Variants in ATAD2B observed in about 807,000 individuals in gnomAD.
The protein encoded by ATAD2B is ATPase family AAA domain-containing protein 2B.
ATAD2B carries 40 observed loss-of-function variants against 167.6 expected under a neutral mutation model. The observed-to-expected ratio is 0.24, with a 90% CI of 0.19 to 0.31. ATAD2B has a LOEUF of 0.31. Among genes scored for constraint, ATAD2B ranks in the 10% least tolerant of loss-of-function variants. ATAD2B has a pLI of 1.00. For missense variants in ATAD2B, 1,242 were observed against 1,757.2 expected, an observed-to-expected ratio of 0.71 and a Z score of 5.24; for synonymous variants, 579 against 596.5, an observed-to-expected ratio of 0.97 and a Z score of 0.43.
the ATAD2B span, among the ~76,000 whole-genome samples, chr2:23,739,120 T>C: frequency 2.6e-5 from 4 of 152,148 alleles, no homozygotes; most frequent in Admixed American, 6.5e-5. Context: ...AACACCCCAC[T>C]GTCAACATTA....
intron 1 of ATAD2B, among the ~76,000 whole-genome samples, chr2:23,896,287 T>C (rs1207125608): frequency 6.6e-6 from 1 of 151,198 alleles, no homozygotes. Context: ...ATCATGCCAG[T>C]GCACTCCAGC....
intron 23 of ATAD2B, among the ~76,000 whole-genome samples, chr2:23,764,460 C>T (rs1234215060): frequency 6.6e-6 from 1 of 152,184 alleles, no homozygotes; most frequent in Admixed American, 6.5e-5. Context: ...TTTGAAAACA[C>T]TGATCTACAA....
intron 12 of ATAD2B, among the ~76,000 whole-genome samples, chr2:23,861,560 A>C (rs1421054706): frequency 6.6e-6 from 1 of 152,054 alleles, no homozygotes; most frequent in Non-Finnish European, 1.5e-5. Flanking sequence ...CCCACCAAGA[A>C]AACTATGAAA....
the ATAD2B span, chr2:23,695,876 T>C: frequency 6.5e-7 from 1 of 1,534,610 alleles, no homozygotes; most frequent in Non-Finnish European, 8.8e-7. This position sits in a 1 kb window ranked among gnomAD's most constrained non-coding sequence, Gnocchi z 7.6. Context: ...GGCTCAGTGG[T>C]TCCAGTGAGG....
Position 23,766,444 on chromosome 2 carries a change from T to C in ATAD2B, c.3134-816A>G, listed in dbSNP as rs183043229. Among the ~76,000 whole-genome samples the C allele has an allele frequency of 7.2e-5, 11 of 152,342 alleles. No individual in the cohort carries two copies. In the East Asian group the frequency reaches 1.9e-3, roughly 27 times the overall value. ...TCCTCTCTAGTAAGGGCAAACAGTA[T>C]AGACAAAGTTACAGAGACACTTTAT... is the stretch of plus-strand genomic sequence containing the variant. On this transcript the variant is annotated intron_variant, in intron 22 of 27. Coordinates refer to ENST00000238789, the MANE Select transcript of ATAD2B (RefSeq NM_017552.4).
chr2:23,891,110 T>TCC (rs1463877274), intron 2 of ATAD2B, among the ~76,000 whole-genome samples: 2 of 150,620 alleles, frequency 1.3e-5, no homozygotes, highest in African/African-American at 4.9e-5. Context: ...AACCACCATC[T>TCC]CCCGGGTTCA....
At chr2:23,807,907 AATATAAATATATAAATATATTTATAATAT>A (rs1223276603) in intron 18 of ATAD2B, among the ~76,000 whole-genome samples, 10 of 129,350 alleles carry the variant, frequency 7.7e-5, no homozygotes, top group South Asian at 2.3e-4. Context: ...AAAATATATA[AATATAAATATATAAATATATTTATAATAT>A]ATATAAATAT....
chr2:23,903,791 A>C (rs1701119125), intron 1 of ATAD2B, among the ~76,000 whole-genome samples: 2 of 152,220 alleles, frequency 1.3e-5, no homozygotes, highest in African/African-American at 4.8e-5. Context: ...CACTAGATTA[A>C]ATCAAAACTT....
At chr2:23,795,934 A>C (rs1261163811) in intron 19 of ATAD2B, among the ~76,000 whole-genome samples, 1 of 152,010 alleles carries the variant, frequency 6.6e-6, no homozygotes, top group African/African-American at 2.4e-5. Context: ...GTAGACCTGA[A>C]ATTAAATTGT....
chr2:23,885,491 T>C (rs928165606), intron 5 of ATAD2B, among the ~76,000 whole-genome samples: 2 of 152,152 alleles, frequency 1.3e-5, no homozygotes, highest in African/African-American at 4.8e-5. Context: ...AGAATCACAG[T>C]TGCACTTTAA....
intron 17 of ATAD2B, among the ~76,000 whole-genome samples, chr2:23,812,679 G>C (rs1382009514): frequency 1.3e-5 from 2 of 152,000 alleles, no homozygotes; most frequent in Non-Finnish European, 2.9e-5. Context: ...TGGCTAACAC[G>C]GTGAAACCCC....
chr2:23,921,129 C>T (rs977179541), intron 1 of ATAD2B, among the ~76,000 whole-genome samples: 1 of 128,524 alleles, frequency 7.8e-6, no homozygotes, highest in African/African-American at 2.9e-5. Flanking sequence ...TTGCTTGAAC[C>T]TGGGAAGCGG....
At chr2:23,713,389 CT>C in the ATAD2B span, among the ~76,000 whole-genome samples, 1 of 134,030 alleles carries the variant, frequency 7.5e-6, no homozygotes, top group African/African-American at 2.6e-5. Flanking sequence ...GCTATAGCCC[CT>C]TTTTTATGGA....
intron 4 of ATAD2B, among the ~76,000 whole-genome samples, chr2:23,887,603 T>G (rs1258503255): frequency 6.6e-6 from 1 of 152,128 alleles, no homozygotes; most frequent in Admixed American, 6.5e-5. Context: ...GATGCAGACG[T>G]TGAACGGATA....
At chr2:23,796,538 A>T (rs1018421142) in intron 19 of ATAD2B, among the ~76,000 whole-genome samples, 2 of 152,234 alleles carry the variant, frequency 1.3e-5, no homozygotes, top group Non-Finnish European at 2.9e-5. Flanking sequence ...AAATTTTTCA[A>T]ACAATATAGA....
At chr2:23,923,050 T>C (rs1048061232) in intron 1 of ATAD2B, among the ~76,000 whole-genome samples, 5 of 152,238 alleles carry the variant, frequency 3.3e-5, no homozygotes, top group Admixed American at 6.5e-5. Context: ...GACGGACATC[T>C]GCACTTCCAT....
the ATAD2B span, among the ~76,000 whole-genome samples, chr2:23,698,529 CTATTA>C: frequency 6.6e-6 from 1 of 151,488 alleles, no homozygotes; most frequent in Non-Finnish European, 1.5e-5. Context: ...GTACAAATGG[CTATTA>C]TATTGATAAT....
the ATAD2B span, among the ~76,000 whole-genome samples, chr2:23,737,096 G>C: frequency 1.3e-5 from 2 of 152,234 alleles, no homozygotes; most frequent in African/African-American, 4.8e-5. Flanking sequence ...AGGCCTGCCT[G>C]CCTCTGTAGG....
chr2:23,882,828 A>C (rs1040442238), intron 6 of ATAD2B, among the ~76,000 whole-genome samples: 3 of 152,138 alleles, frequency 2.0e-5, no homozygotes, highest in Non-Finnish European at 4.4e-5. Context: ...CAACAACAAA[A>C]AAAAAAAGAT....
Sources: gnomAD v4.1 joint callset for allele counts (sites outside exome capture counted in the v4.1 genomes callset) on GRCh38, gnomAD v4.1.1 for gene constraint, Gnocchi (gnomAD v3.1) non-coding constraint, MANE v1.5 for transcripts, NCBI Gene and HGNC (gene_info 2026-07-23, HGNC 2026-07-21) for gene names.